PTOV1: variants seen among roughly 807,000 people sequenced by gnomAD.
PTOV1 encodes prostate tumor-overexpressed gene 1 protein.
PTOV1 carries 20 observed loss-of-function variants against 58.0 expected under a neutral mutation model. That is an observed-to-expected ratio of 0.34 (90% CI 0.24 to 0.50). PTOV1 has a LOEUF of 0.50. PTOV1 is among the 20% of genes least tolerant of loss of function. The pLI, the probability that PTOV1 is intolerant of heterozygous loss-of-function variation, is 0.98. For missense variants in PTOV1, 593 were observed against 565.4 expected (o/e 1.05, Z -0.50); for synonymous variants, 335 against 234.2 (o/e 1.43, Z -3.93).
intron 1 of PTOV1, chr19:49,853,190 A>G (rs2074320987): frequency 6.6e-6 from 1 of 152,266 alleles, no homozygotes; most frequent in Non-Finnish European, 1.5e-5. Context: ...CTTGTGCTTC[A>G]TAGAAAATTT....
At chr19:49,852,725 G>A (rs1015450799) in intron 1 of PTOV1, 9 of 152,200 alleles carry the variant, frequency 5.9e-5, no homozygotes, top group Non-Finnish European at 4.4e-5. Flanking sequence ...CAGACATTAA[G>A]TATGTCGCTT....
At chr19:49,860,494 C>A in exon 12 of PTOV1, 1 of 708,620 alleles carries the variant, frequency 1.4e-6, no homozygotes, top group Admixed American at 2.9e-5. Flanking sequence ...TGCAGCCCAG[C>A]CTCAGGGCCA....
chr19:49,860,381 T>TGGGG, exon 12 of PTOV1: 1 of 321,188 alleles, frequency 3.1e-6, no homozygotes, highest in Non-Finnish European at 6.0e-6. Context: ...CTGGGGCATG[T>TGGGG]GGGGGGGGTG....
intron 6 of PTOV1, 65 bp from the exon 7 acceptor site, chr19:49,857,628 C>T: frequency 6.8e-7 from 1 of 1,475,314 alleles, no homozygotes; most frequent in African/African-American, 1.4e-5. Flanking sequence ...TGGCAGGCCC[C>T]AGGACAGACA....
exon 8 of PTOV1, chr19:49,857,958 G>A (rs773657588): frequency 9.9e-6 from 16 of 1,613,590 alleles, no homozygotes; most frequent in South Asian, 5.5e-5. Flanking sequence ...CCACGTCTAC[G>A]TGAACCAGGG....
rs534103506 is a variant in PTOV1, at chr19:49,859,969, C to T, written c.1042-17C>T. The T allele has an allele frequency of 2.4e-4, 387 of 1,613,794 alleles. 1 individual carries two copies. The South Asian group carries it at 3.8e-3, about 16-fold the overall frequency. ...CCTGTGGTGCTGTCTGGTGACACCA[C>T]GCCCTGTGCCTGCCAGGCCGGCTGC... On this transcript the variant is annotated splice_polypyrimidine_tract_variant and intron_variant, in intron 10 of 11. Transcript: ENST00000391842.
At position 49,860,250 on chromosome 19, in the gene PTOV1, T is replaced by TCGC. The variant is rs1365376408; in HGVS notation, c.1240-17_1240-16insGCC. ...CCCCGCTGCCTGCTCACCACTGGCC[T>TCGC]CTGATTTCTCGCCGTAGATGGGGGG... On this transcript the variant is annotated splice_polypyrimidine_tract_variant and intron_variant, in intron 11 of 11. Coordinates refer to ENST00000391842, the Ensembl canonical transcript of PTOV1. 1.9e-6 allele frequency: 3 copies of TCGC among 1,613,686 alleles called. No homozygotes were observed.
chr19:49,856,880 C>A, intron 5 of PTOV1, 95 bp from the exon 6 acceptor site: 6 of 1,457,258 alleles, frequency 4.1e-6, no homozygotes, highest in South Asian at 1.2e-5. Context: ...CACCGATGAT[C>A]TCCCTTCATC....
Position 49,854,442 on chromosome 19 carries a change from G to T in PTOV1, c.208G>T (p.Gly70Cys). 1 of 1,611,912 alleles carries T rather than the reference G, an allele frequency of 6.2e-7. No homozygotes were observed. Among genetic ancestry groups the T allele is most frequent in the South Asian group, 1.1e-5 (1 of 90,992 alleles). ...GGTCTTCGGGGCACTGGGTCCCATCGGTCCCTCCTCACCTGGGCTCACCCT... is the reference window on the plus strand; with the variant it reads ...GGTCTTCGGGGCACTGGGTCCCATCTGTCCCTCCTCACCTGGGCTCACCCT... The change falls in exon 2 of 12, where the codon GGT becomes TGT. Residue 70 changes from glycine (G) to cysteine (C), a missense_variant. Gly to Cys is a radical substitution (Grantham distance 159, BLOSUM62 -3). Transcript: ENST00000391842.
intron 4 of PTOV1, 22 bp downstream of exon 4, chr19:49,854,910 C>A: frequency 3.1e-6 from 5 of 1,607,064 alleles, no homozygotes; most frequent in South Asian, 1.1e-5. Flanking sequence ...CCCTCCCACC[C>A]CATCCACTCT....
At chr19:49,859,965 A>G (rs1480489072) in intron 10 of PTOV1, 21 bp from the exon 11 acceptor site, 1 of 1,613,668 alleles carries the variant, frequency 6.2e-7, no homozygotes, top group South Asian at 1.1e-5. Context: ...GTCTGGTGAC[A>G]CCACGCCCTG....
chr19:49,859,511 G>T (rs1289930314), intron 10 of PTOV1, among the ~76,000 whole-genome samples: 1 of 151,916 alleles, frequency 6.6e-6, no homozygotes, highest in Non-Finnish European at 1.5e-5. Context: ...GGCAGAGGTT[G>T]CAGTGAGCTG....
chr19:49,853,374 G>C (rs2074330823), intron 1 of PTOV1, among the ~76,000 whole-genome samples: 1 of 152,030 alleles, frequency 6.6e-6, no homozygotes. Flanking sequence ...CAATAAGTGA[G>C]GTCAGGCTTG....
At chr19:49,852,706 C>T (rs2074301215) in intron 1 of PTOV1, 1 of 152,224 alleles carries the variant, frequency 6.6e-6, no homozygotes, top group South Asian at 2.1e-4. Flanking sequence ...ACCTGCTCTC[C>T]TAGACAAGCA....
chr19:49,855,507 G>C (rs567926093), intron 5 of PTOV1: 9 of 232,320 alleles, frequency 3.9e-5, no homozygotes, highest in Non-Finnish European at 6.1e-5. Context: ...CGAGTGGCCT[G>C]AGCTGGCCGT....
chr19:49,857,695 A>G, exon 7 of PTOV1: 1 of 1,613,836 alleles, frequency 6.2e-7, no homozygotes, highest in South Asian at 1.1e-5. Flanking sequence ...TCCAACAGGC[A>G]GTGGGACCTG....
At chr19:49,857,262 A>C (rs916233004) in intron 6 of PTOV1, 132 bp downstream of exon 6, 31 of 1,317,896 alleles carry the variant, frequency 2.4e-5, no homozygotes, top group Non-Finnish European at 3.3e-5. Flanking sequence ...GGGAGCCCGG[A>C]GGATGCCGGG....
intron 6 of PTOV1, 58 bp downstream of exon 6, chr19:49,857,188 T>G: frequency 6.3e-7 from 1 of 1,591,960 alleles, no homozygotes; most frequent in Non-Finnish European, 8.6e-7. Flanking sequence ...CCCACTGCCC[T>G]GGTTGGGCAG....
At chr19:49,851,023 C>A (rs1415271781), upstream of PTOV1, 26 of 1,528,804 alleles carry the variant, frequency 1.7e-5, no homozygotes, top group Non-Finnish European at 1.8e-5. Context: ...GACTCCCCCG[C>A]GCCGGAGAGG....
Sources: allele counts gnomAD v4.1 joint callset (sites outside exome capture counted in the v4.1 genomes callset), GRCh38; gene constraint gnomAD v4.1.1; transcripts MANE v1.5; gene names NCBI Gene and HGNC (gene_info 2026-07-23, HGNC 2026-07-21).